MGAT4C: variants seen among roughly 807,000 people sequenced by gnomAD.
MGAT4C encodes the protein alpha-1,3-mannosyl-glycoprotein 4-beta-N-acetylglucosaminyltransferase C.
In MGAT4C, 19 loss-of-function variants were observed where a neutral mutation model predicts 40.1. The ratio of observed to expected loss-of-function variants is 0.47; its 90% CI spans 0.33 to 0.70. MGAT4C has a LOEUF of 0.70. Among genes scored for constraint, MGAT4C ranks in the 30% least tolerant of loss-of-function variants. The pLI is 0.02. For synonymous variants in MGAT4C, 181 were observed against 187.1 expected (o/e 0.97, Z 0.27); for missense variants, 491 against 563.2 (o/e 0.87, Z 1.30).
intron 3 of MGAT4C, among the ~76,000 whole-genome samples, chr12:86,401,809 TTTG>T (rs1956368861): frequency 6.6e-6 from 1 of 152,132 alleles, no homozygotes; most frequent in South Asian, 2.1e-4. Context: ...AAAAAACCAT[TTTG>T]TTATTTAAGT....
At chr12:85,982,185 T>C (rs1884673953) in intron 4 of MGAT4C, among the ~76,000 whole-genome samples, 1 of 152,124 alleles carries the variant, frequency 6.6e-6, no homozygotes, top group African/African-American at 2.4e-5. Context: ...TTTGTTTTTG[T>C]TTTTGTTTTT....
chr12:86,354,707 G>A (rs1955267371), intron 3 of MGAT4C, among the ~76,000 whole-genome samples: 1 of 152,194 alleles, frequency 6.6e-6, no homozygotes, highest in Non-Finnish European at 1.5e-5. Flanking sequence ...TTGAATGTAA[G>A]TTTGAATCTC....
At chr12:86,432,299 CA>C (rs1287167436) in intron 3 of MGAT4C, among the ~76,000 whole-genome samples, 1 of 151,756 alleles carries the variant, frequency 6.6e-6, no homozygotes. Context: ...CAAACAAACA[CA>C]AAAAAACCTT....
At chr12:86,195,281 T>C (rs1473113359) in intron 1 of MGAT4C, among the ~76,000 whole-genome samples, 1 of 152,176 alleles carries the variant, frequency 6.6e-6, no homozygotes, top group East Asian at 1.9e-4. Flanking sequence ...TCTTTAATAT[T>C]TTATAATAAT....
intron 2 of MGAT4C, among the ~76,000 whole-genome samples, chr12:86,723,110 C>G (rs1950763036): frequency 6.6e-6 from 1 of 152,130 alleles, no homozygotes; most frequent in African/African-American, 2.4e-5. Flanking sequence ...TTGTTTATAT[C>G]AATTGACTAA....
chr12:86,764,250 C>G (rs1281961541), intron 1 of MGAT4C, among the ~76,000 whole-genome samples: 2 of 152,150 alleles, frequency 1.3e-5, no homozygotes, highest in African/African-American at 2.4e-5. Context: ...CCCACGGAGT[C>G]TCGCTGATTG....
chr12:86,786,419 AT>A lies in MGAT4C; in HGVS notation c.-262+52246del, dbSNP rs77313627. Among the ~76,000 whole-genome samples the A allele has an allele frequency of 4.6e-3, 705 of 152,140 alleles. 16 individuals are homozygous for A. In the East Asian group the frequency reaches 0.066, roughly 14 times the overall value. On this transcript the variant is annotated intron_variant, in intron 1 of 7. Transcript: ENST00000548651. ...TATTAACCAATGATGTCAGTAAAAT[AT>A]TTTTTCTTTTTTTTGGTTTCAGAAG...
chr12:86,586,138 C>T (rs1961028758), intron 2 of MGAT4C, among the ~76,000 whole-genome samples: 1 of 127,866 alleles, frequency 7.8e-6, no homozygotes, highest in Non-Finnish European at 1.6e-5. Flanking sequence ...GTGTGATGTT[C>T]CCCTTCCTGT....
intron 2 of MGAT4C, among the ~76,000 whole-genome samples, chr12:86,647,283 A>T (rs527385552): frequency 6.6e-6 from 1 of 152,060 alleles, no homozygotes; most frequent in South Asian, 2.1e-4. Context: ...GCAGAAAAAA[A>T]TACAATTACT....
intron 4 of MGAT4C, among the ~76,000 whole-genome samples, chr12:86,315,665 C>T (rs1954198626): frequency 6.6e-6 from 1 of 152,080 alleles, no homozygotes; most frequent in African/African-American, 2.4e-5. Flanking sequence ...GAGATCGCGC[C>T]CCTGCACTCC....
chr12:86,052,888 T>C (rs1893023695), intron 1 of MGAT4C, among the ~76,000 whole-genome samples: 1 of 151,988 alleles, frequency 6.6e-6, no homozygotes, highest in African/African-American at 2.4e-5. Context: ...AAATATATCT[T>C]TCATTTGTGC....
intron 2 of MGAT4C, among the ~76,000 whole-genome samples, chr12:86,714,883 A>G (rs1281358497): frequency 1.3e-5 from 2 of 152,140 alleles, no homozygotes; most frequent in East Asian, 3.8e-4. Context: ...GAAATTATTT[A>G]AGAAGATATT....
At chr12:86,380,919 G>C (rs1162083443) in intron 3 of MGAT4C, among the ~76,000 whole-genome samples, 1 of 152,042 alleles carries the variant, frequency 6.6e-6, no homozygotes, top group Non-Finnish European at 1.5e-5. Flanking sequence ...TTCCTCTTTT[G>C]AAAGGGAATT....
At chr12:86,420,782 T>C (rs886570562) in intron 3 of MGAT4C, among the ~76,000 whole-genome samples, 1 of 148,864 alleles carries the variant, frequency 6.7e-6, no homozygotes, top group Non-Finnish European at 1.5e-5. Flanking sequence ...CTGACATATA[T>C]ATATATATAT....
chr12:86,207,717 A>T (rs1950312939), intron 1 of MGAT4C, among the ~76,000 whole-genome samples: 1 of 152,204 alleles, frequency 6.6e-6, no homozygotes, highest in African/African-American at 2.4e-5. Context: ...TGTAGGTAAT[A>T]TGTAGGATTC....
intron 1 of MGAT4C, among the ~76,000 whole-genome samples, chr12:86,181,160 G>A (rs956549008): frequency 4.6e-5 from 7 of 152,070 alleles, no homozygotes; most frequent in Non-Finnish European, 8.8e-5. Flanking sequence ...TCTTGCCGCG[G>A]CCATGTAAGA....
At chr12:85,982,851 T>C (rs1565811740) in intron 4 of MGAT4C, among the ~76,000 whole-genome samples, 1 of 152,094 alleles carries the variant, frequency 6.6e-6, no homozygotes, top group African/African-American at 2.4e-5. Context: ...TGTGTCCTTA[T>C]AAAAAGAGGA....
At chr12:86,555,041 TTAGA>T (rs755460276) in intron 2 of MGAT4C, among the ~76,000 whole-genome samples, 4 of 152,014 alleles carry the variant, frequency 2.6e-5, no homozygotes, top group Non-Finnish European at 5.9e-5. Context: ...TGACCTGTAC[TTAGA>T]TAGCCATATT....
intron 2 of MGAT4C, among the ~76,000 whole-genome samples, chr12:86,559,701 T>C (rs1033180188): frequency 1.3e-5 from 2 of 151,716 alleles, no homozygotes; most frequent in African/African-American, 4.8e-5. Context: ...TCAAAAAGGA[T>C]AAATTTTAAA....
Sources: gnomAD v4.1 joint callset for allele counts (sites outside exome capture counted in the v4.1 genomes callset) on GRCh38, gnomAD v4.1.1 for gene constraint, MANE v1.5 for transcripts, NCBI Gene and HGNC (gene_info 2026-07-23, HGNC 2026-07-21) for gene names.